Variants in ASPH observed in about 807,000 individuals in gnomAD.
ASPH encodes the protein aspartyl/asparaginyl beta-hydroxylase.
A neutral mutation model predicts 118.4 loss-of-function variants in ASPH; 100 were observed. The observed-to-expected ratio is 0.84, with a 90% CI of 0.72 to 1.00. The LOEUF (loss-of-function observed/expected upper bound fraction) is 1.00, where lower values mean the gene tolerates loss of function less well. Among genes scored for constraint, ASPH ranks in the 50% least tolerant of loss-of-function variants. ASPH has a pLI of 0.00. For synonymous variants in ASPH, 315 were observed against 325.6 expected, an observed-to-expected ratio of 0.97 and a Z score of 0.35; for missense variants, 920 against 919.5, an observed-to-expected ratio of 1.00 and a Z score of -0.01.
In ASPH at chr8:61,633,671, A is replaced by C; in HGVS notation, c.934+12T>G. ...AACAAAAGAGGAAAATACAACATAC[A>C]AAATGTCATACCTGGTGGTACTTCC... On this transcript the variant is annotated intron_variant, in intron 13 of 24. Coordinates refer to ENST00000379454, the MANE Select transcript of ASPH (RefSeq NM_004318.4). 6.3e-7 allele frequency: 1 copy of C among 1,592,288 alleles called. No homozygotes were observed. The highest frequency in any genetic ancestry group is 8.6e-7 in the Non-Finnish European group (1 of 1,169,358).
intron 21 of ASPH, among the ~76,000 whole-genome samples, chr8:61,547,361 T>C (rs1372180066): frequency 6.6e-6 from 1 of 152,260 alleles, no homozygotes; most frequent in Non-Finnish European, 1.5e-5. Flanking sequence ...CTCTCCATAG[T>C]TGCAGGGCCA....
At chr8:61,534,009 G>A (rs1286695423) in intron 21 of ASPH, among the ~76,000 whole-genome samples, 4 of 152,100 alleles carry the variant, frequency 2.6e-5, no homozygotes, top group South Asian at 4.1e-4. Flanking sequence ...GTACAATGGC[G>A]CGATCTCGGC....
At chr8:61,523,056 C>G (rs1813739050) in intron 22 of ASPH, among the ~76,000 whole-genome samples, 1 of 152,172 alleles carries the variant, frequency 6.6e-6, no homozygotes, top group Non-Finnish European at 1.5e-5. Flanking sequence ...TTCGACTACC[C>G]AGCAGCATGA....
chr8:61,698,808 A>G (rs933857688), intron 1 of ASPH, among the ~76,000 whole-genome samples: 1 of 152,262 alleles, frequency 6.6e-6, no homozygotes, highest in African/African-American at 2.4e-5. Context: ...AAGACCAAAT[A>G]TATATTTCAC....
At chr8:61,639,388 C>T (rs1803992637) in intron 10 of ASPH, among the ~76,000 whole-genome samples, 1 of 152,116 alleles carries the variant, frequency 6.6e-6, no homozygotes, top group African/African-American at 2.4e-5. Context: ...TGCTGAGACC[C>T]CCTCCAGTGC....
intron 3 of ASPH, among the ~76,000 whole-genome samples, chr8:61,678,266 T>G (rs943889353): frequency 3.9e-5 from 6 of 152,158 alleles, no homozygotes; most frequent in Non-Finnish European, 8.8e-5. Flanking sequence ...CTCGCATCAT[T>G]TAGTTCTTGG....
chr8:61,648,436 T>C (rs1005783261), intron 5 of ASPH, among the ~76,000 whole-genome samples: 2 of 152,196 alleles, frequency 1.3e-5, no homozygotes, highest in African/African-American at 4.8e-5. Flanking sequence ...ATACTGTTTT[T>C]CCTCATTTTA....
intron 18 of ASPH, among the ~76,000 whole-genome samples, chr8:61,558,911 A>G (rs1828839049): frequency 3.3e-5 from 5 of 152,162 alleles, no homozygotes; most frequent in African/African-American, 1.2e-4. Context: ...ACTCCCCCTC[A>G]TCCTCCTCCT....
At chr8:61,711,843 C>T (rs144944789) in intron 1 of ASPH, among the ~76,000 whole-genome samples, 5,050 of 152,266 alleles carry the variant, frequency 0.033, 265 homozygotes, top group African/African-American at 0.11. Flanking sequence ...TCTTCTCAAA[C>T]TAAAATTTCA....
chr8:61,510,171 G>T (rs1400369148), intron 24 of ASPH, among the ~76,000 whole-genome samples: 4 of 152,100 alleles, frequency 2.6e-5, no homozygotes, highest in African/African-American at 9.7e-5. Flanking sequence ...CATTCATATG[G>T]ATTACTTTAA....
chr8:61,673,529 C>T (rs1823672614), intron 3 of ASPH, among the ~76,000 whole-genome samples: 1 of 152,122 alleles, frequency 6.6e-6, no homozygotes, highest in Non-Finnish European at 1.5e-5. Flanking sequence ...AGTTTCTCAA[C>T]TCTGAAAAGG....
intron 20 of ASPH, among the ~76,000 whole-genome samples, chr8:61,549,626 T>G: frequency 6.6e-6 from 1 of 152,200 alleles, no homozygotes; most frequent in Non-Finnish European, 1.5e-5. Flanking sequence ...ATCTAATTTT[T>G]TTAAAAAATA....
At chr8:61,668,913 T>C (rs570125311) in intron 3 of ASPH, among the ~76,000 whole-genome samples, 1 of 152,314 alleles carries the variant, frequency 6.6e-6, no homozygotes, top group Admixed American at 6.5e-5. Context: ...TCTAACAATA[T>C]ACCTCTAACT....
At chr8:61,670,471 A>G (rs771120107) in intron 3 of ASPH, among the ~76,000 whole-genome samples, 7 of 152,084 alleles carry the variant, frequency 4.6e-5, no homozygotes, top group Non-Finnish European at 5.9e-5. Flanking sequence ...TGATGAGAAA[A>G]CATAGGTGGA....
chr8:61,550,211 T>C (rs377639376), intron 20 of ASPH, among the ~76,000 whole-genome samples: 367 of 152,152 alleles, frequency 2.4e-3, no homozygotes, highest in African/African-American at 7.8e-3. Flanking sequence ...TGCTATAAAA[T>C]CAAAGATCAA....
intron 17 of ASPH, among the ~76,000 whole-genome samples, chr8:61,563,287 G>A (rs905705123): frequency 3.3e-5 from 5 of 152,168 alleles, no homozygotes; most frequent in South Asian, 4.1e-4. Flanking sequence ...TCAGGGTCTA[G>A]CACCCTGTAT....
chr8:61,707,853 T>C (rs1432700759), intron 1 of ASPH, among the ~76,000 whole-genome samples: 1 of 152,198 alleles, frequency 6.6e-6, no homozygotes, highest in Non-Finnish European at 1.5e-5. Context: ...ACAGTATATA[T>C]ACATATATGT....
intron 21 of ASPH, among the ~76,000 whole-genome samples, chr8:61,527,965 G>A (rs1816089138): frequency 2.0e-5 from 3 of 152,332 alleles, no homozygotes; most frequent in Middle Eastern, 3.4e-3. Context: ...CACAGAGAGC[G>A]TGACTGCCTC....
chr8:61,570,257 G>C (rs1321793115), intron 16 of ASPH, among the ~76,000 whole-genome samples: 1 of 152,140 alleles, frequency 6.6e-6, no homozygotes, highest in Non-Finnish European at 1.5e-5. Flanking sequence ...TATTGGATAT[G>C]ATACTGAAGT....
Sources: allele counts gnomAD v4.1 joint callset (sites outside exome capture counted in the v4.1 genomes callset), GRCh38; gene constraint gnomAD v4.1.1; transcripts MANE v1.5; gene names NCBI Gene and HGNC (gene_info 2026-07-23, HGNC 2026-07-21).